Variants in SLCO4C1 observed in about 807,000 individuals in gnomAD.
The protein encoded by SLCO4C1 is organic anion transporter M1.
Under a neutral mutation model 72.1 loss-of-function variants are expected in SLCO4C1, and 58 were observed. The observed-to-expected ratio is 0.80, with a 90% CI of 0.65 to 1.00. The LOEUF (loss-of-function observed/expected upper bound fraction) is 1.00, where lower values mean the gene tolerates loss of function less well. Ranked by LOEUF, SLCO4C1 falls within the 50% of genes least tolerant of loss-of-function variation. The pLI is 0.00. For missense variants in SLCO4C1, 898 were observed against 857.9 expected (o/e 1.05, Z -0.58); for synonymous variants, 297 against 312.5 (o/e 0.95, Z 0.52).
intron 2 of SLCO4C1, among the ~76,000 whole-genome samples, chr5:102,272,042 T>C (rs1749162450): frequency 6.6e-6 from 1 of 152,046 alleles, no homozygotes; most frequent in Admixed American, 6.6e-5. Flanking sequence ...TTAGCTAACT[T>C]GAGAAAGCAG....
chr5:102,273,127 CAGAG>C (rs1157075785), intron 2 of SLCO4C1, among the ~76,000 whole-genome samples: 6 of 151,762 alleles, frequency 4.0e-5, no homozygotes, highest in Non-Finnish European at 7.4e-5. Flanking sequence ...AGAATTATGA[CAGAG>C]AGAATAGACT....
chr5:102,236,630 G>A lies in SLCO4C1; in HGVS notation c.*228C>T, dbSNP rs193137265. 1.1e-4 allele frequency: 42 copies of A among 390,808 alleles called. No homozygotes were observed. The highest frequency in any genetic ancestry group is 2.4e-4 in the South Asian group (9 of 37,760). The allele number at this position is 390,808 out of a possible 1,614,324, so 24.2% of individuals were successfully genotyped here. A position where few individuals can be genotyped will look rare whatever the true frequency, so the allele number is the denominator to read the frequency against. On this transcript the variant is annotated 3_prime_UTR_variant, in exon 13 of 13. Coordinates refer to ENST00000310954, the MANE Select transcript of SLCO4C1 (RefSeq NM_180991.5). The stretch of plus-strand genomic sequence containing the variant: ...CGTGTGTGTGTGTGTGTGTGTGCTC[G>A]TGTGTGTGTGTGCTGTGTTTTGAGG...
At chr5:102,283,111 C>A (rs1319550977) in intron 2 of SLCO4C1, among the ~76,000 whole-genome samples, 2 of 151,450 alleles carry the variant, frequency 1.3e-5, no homozygotes, top group Non-Finnish European at 2.9e-5. Flanking sequence ...AGAAATATAT[C>A]TAATTAAAAC....
At chr5:102,267,457 G>A (rs1220050434) in intron 3 of SLCO4C1, among the ~76,000 whole-genome samples, 2 of 151,878 alleles carry the variant, frequency 1.3e-5, no homozygotes, top group African/African-American at 4.8e-5. Context: ...TGTGGTATCA[G>A]CTGTGATGCC....
chr5:102,237,245 T>C (rs1293169789), intron 12 of SLCO4C1, among the ~76,000 whole-genome samples: 2 of 152,198 alleles, frequency 1.3e-5, no homozygotes, highest in Non-Finnish European at 2.9e-5. Context: ...AGCACAATAA[T>C]TAACTTATTC....
At chr5:102,266,905 T>C (rs924429273) in intron 3 of SLCO4C1, among the ~76,000 whole-genome samples, 10 of 152,190 alleles carry the variant, frequency 6.6e-5, no homozygotes, top group African/African-American at 2.2e-4. Flanking sequence ...TTGTCCTTCA[T>C]TCTGTTTATG....
chr5:102,287,335 A>T (rs1008689667), intron 2 of SLCO4C1, among the ~76,000 whole-genome samples: 1 of 152,110 alleles, frequency 6.6e-6, no homozygotes, highest in African/African-American at 2.4e-5. Context: ...TTGGGGAAGA[A>T]ATGCTTGAAA....
At position 102,234,679 on chromosome 5, in the gene SLCO4C1, T is replaced by A. The variant is rs919068649; in HGVS notation, c.*2179A>T. The A allele has an allele frequency of 6.6e-6, 1 of 152,236 alleles. No homozygotes were observed. The highest frequency in any genetic ancestry group is 2.4e-5 in the African/African-American group (1 of 41,464). 9.4% of individuals were successfully genotyped at this position (152,236 alleles called of 1,614,324 possible). A position where few individuals can be genotyped will look rare whatever the true frequency, so the allele number is the denominator to read the frequency against. ...ATATTTGTTCAGTTATTCTGTTTTC[T>A]TCCTTACTGCCATTTCACATCTCCA... is the stretch of plus-strand genomic sequence containing the variant. On this transcript the variant is annotated 3_prime_UTR_variant, in exon 13 of 13. Transcript: ENST00000310954.
At chr5:102,261,767 G>T (rs1748948159) in intron 5 of SLCO4C1, 145 bp downstream of exon 5, 5 of 729,754 alleles carry the variant, frequency 6.9e-6, no homozygotes, top group African/African-American at 1.8e-5. Context: ...CTAGAATGAA[G>T]AATATTCAAA....
Position 102,249,883 on chromosome 5 carries a change from T to A in SLCO4C1, c.1470-95A>T, listed in dbSNP as rs549082915. 7.6e-4 allele frequency: 931 copies of A among 1,227,778 alleles called. 2 individuals are homozygous for A. The highest frequency in any genetic ancestry group is 9.7e-4 in the Non-Finnish European group (840 of 869,198). 76.1% of individuals were successfully genotyped at this position (1,227,778 alleles called of 1,614,324 possible). On this transcript the variant is annotated intron_variant, in intron 8 of 12. Coordinates refer to ENST00000310954, the MANE Select transcript of SLCO4C1 (RefSeq NM_180991.5). ...TTATATCTTACCATTAGGTCATTTA[T>A]TCACTCACTCAACACATAATTACTA...
intron 9 of SLCO4C1, among the ~76,000 whole-genome samples, chr5:102,248,915 C>T (rs17148138): frequency 0.12 from 17,907 of 152,058 alleles, 1,264 homozygotes; most frequent in African/African-American, 0.16. Flanking sequence ...AACTATTTAA[C>T]TGTACAGAAA....
intron 12 of SLCO4C1, among the ~76,000 whole-genome samples, chr5:102,237,656 A>C (rs1455809881): frequency 6.6e-6 from 1 of 152,152 alleles, no homozygotes; most frequent in Non-Finnish European, 1.5e-5. Context: ...ATATCTATAA[A>C]AAATTGCAAG....
At chr5:102,277,956 A>G (rs951869249) in intron 2 of SLCO4C1, among the ~76,000 whole-genome samples, 1 of 152,164 alleles carries the variant, frequency 6.6e-6, no homozygotes, top group African/African-American at 2.4e-5. Context: ...TAGAGAAACA[A>G]AAAACAAAGA....
At position 102,239,268 on chromosome 5, in the gene SLCO4C1, T is replaced by C. The variant is rs752868905; in HGVS notation, c.1997A>G (p.His666Arg). The C allele has an allele frequency of 6.3e-7, 1 of 1,588,850 alleles. No individual in the cohort carries two copies. Among genetic ancestry groups the C allele is most frequent in the Non-Finnish European group, 8.6e-7 (1 of 1,168,998 alleles). ...CWIYDNIKMA[H>R]MLVAISVTCK... ...CCACTTACTTATGGCTACTAGCATATGGGCCATCTTGATGTTATCATAAAT... is the reference window on the plus strand; with the variant it reads ...CCACTTACTTATGGCTACTAGCATACGGGCCATCTTGATGTTATCATAAAT... Residue 666 changes from histidine to arginine, a missense_variant, in exon 12 of 13, where the codon CAT (histidine) becomes CGT (arginine). Physicochemically the swap from His to Arg is conservative, Grantham distance 29. Coordinates refer to ENST00000310954, the MANE Select transcript of SLCO4C1 (RefSeq NM_180991.5).
At chr5:102,254,251 A>G (rs1044012823) in intron 8 of SLCO4C1, among the ~76,000 whole-genome samples, 2 of 152,100 alleles carry the variant, frequency 1.3e-5, no homozygotes, top group Admixed American at 6.6e-5. Context: ...GTTTTATTGT[A>G]CTTTGCAAAT....
chr5:102,270,619 C>T lies in SLCO4C1; in HGVS notation c.802+5G>A. On this transcript the variant is annotated splice_donor_5th_base_variant and intron_variant, in intron 3 of 12. Transcript: ENST00000310954. The stretch of plus-strand genomic sequence containing the variant: ...ATACTGAGACAGTTTAGAGAGTAAA[C>T]TTACCTATATAGAGAGAAGACTTGT... The T allele has an allele frequency of 4.4e-6, 7 of 1,595,970 alleles. No individual in the cohort carries two copies. The highest frequency in any genetic ancestry group is 1.7e-4 in the Middle Eastern group (1 of 5,976).
At chr5:102,250,885 G>A (rs183373588) in intron 8 of SLCO4C1, among the ~76,000 whole-genome samples, 120 of 152,192 alleles carry the variant, frequency 7.9e-4, no homozygotes, top group Non-Finnish European at 1.5e-3. Flanking sequence ...TTCTCGGGAG[G>A]CTGAGGCAGG....
chr5:102,277,270 G>A (rs1749263507), intron 2 of SLCO4C1, among the ~76,000 whole-genome samples: 1 of 151,760 alleles, frequency 6.6e-6, no homozygotes, highest in Admixed American at 6.6e-5. Flanking sequence ...GTGTAACAAG[G>A]TGCCCCATCC....
At chr5:102,286,500 T>TTA (rs1749455008) in intron 2 of SLCO4C1, among the ~76,000 whole-genome samples, 1 of 152,158 alleles carries the variant, frequency 6.6e-6, no homozygotes, top group Non-Finnish European at 1.5e-5. Flanking sequence ...CATACTACAA[T>TTA]ATGTTGTGTC....
Sources: allele counts gnomAD v4.1 joint callset (sites outside exome capture counted in the v4.1 genomes callset), GRCh38; gene constraint gnomAD v4.1.1; transcripts MANE v1.5; gene names NCBI Gene and HGNC (gene_info 2026-07-23, HGNC 2026-07-21).